GMDS: variants seen among roughly 807,000 people sequenced by gnomAD.
The protein encoded by GMDS is GDP-mannose 4,6-dehydratase.
In GMDS, 20 loss-of-function variants were observed where a neutral mutation model predicts 49.9. That is an observed-to-expected ratio of 0.40 (90% confidence interval 0.28 to 0.58). The LOEUF is 0.58. GMDS is among the 20% of genes least tolerant of loss of function. The pLI is 0.42. For synonymous variants in GMDS, 177 were observed against 178.6 expected (o/e 0.99, Z 0.07); for missense variants, 362 against 481.4 (o/e 0.75, Z 2.32).
intron 1 of GMDS, among the ~76,000 whole-genome samples, chr6:2,178,425 T>A (rs191679166): frequency 6.6e-6 from 1 of 152,050 alleles, no homozygotes; most frequent in Non-Finnish European, 1.5e-5. Context: ...AGGTGCCACA[T>A]GCTTTAAACA....
intron 9 of GMDS, among the ~76,000 whole-genome samples, chr6:1,634,920 GA>G (rs942795437): frequency 6.6e-6 from 1 of 152,134 alleles, no homozygotes; most frequent in African/African-American, 2.4e-5. Context: ...GGTGGTGGGG[GA>G]AAGAGGACTG....
chr6:1,843,081 G>A (rs1757215996), intron 7 of GMDS, among the ~76,000 whole-genome samples: 1 of 149,144 alleles, frequency 6.7e-6, no homozygotes, highest in African/African-American at 2.5e-5. Context: ...CTGCTCTCCA[G>A]CCTGAGCAAC....
intron 7 of GMDS, among the ~76,000 whole-genome samples, chr6:1,785,701 C>T (rs901999975): frequency 2.6e-5 from 4 of 152,244 alleles, no homozygotes; most frequent in African/African-American, 7.2e-5. Context: ...CCAGCATCCT[C>T]GGCAGGGAAG....
chr6:1,826,782 T>C (rs1379774818), intron 7 of GMDS, among the ~76,000 whole-genome samples: 1 of 152,156 alleles, frequency 6.6e-6, no homozygotes, highest in African/African-American at 2.4e-5. Flanking sequence ...TTAACAAATA[T>C]CTGGCTGGGT....
intron 4 of GMDS, among the ~76,000 whole-genome samples, chr6:1,985,551 GA>G (rs930602738): frequency 1.5e-4 from 22 of 151,072 alleles, no homozygotes; most frequent in Admixed American, 3.3e-4. Flanking sequence ...CTTAAACCAA[GA>G]AAAAAAATCA....
Position 1,742,928 on chromosome 6 carries a change from G to A in GMDS, c.772-342C>T, listed in dbSNP as rs1222440688. ...AATGTGATGTGAAGCAGTGTCTATG[G>A]CAAATAACCTTTTTATGGTATTATT... On this transcript the variant is annotated intron_variant, in intron 7 of 10. Transcript: ENST00000380815. Among the ~76,000 whole-genome samples, 5 of 152,052 alleles carry A rather than the reference G, an allele frequency of 3.3e-5. 1 individual carries two copies. Among genetic ancestry groups the A allele is most frequent in the Admixed American group, 3.3e-4 (5 of 15,266 alleles).
intron 1 of GMDS, among the ~76,000 whole-genome samples, chr6:2,242,334 G>A (rs759647566): frequency 1.3e-5 from 2 of 152,216 alleles, no homozygotes. Context: ...AGAGGGCCTG[G>A]AGACAGCAAT....
chr6:1,743,655 G>A lies in GMDS; in HGVS notation c.772-1069C>T, dbSNP rs762882782. Among the ~76,000 whole-genome samples, 41 of 152,134 alleles carry A rather than the reference G, an allele frequency of 2.7e-4. 2 individuals are homozygous for A. The highest frequency in any genetic ancestry group is 4.4e-5 in the Non-Finnish European group (3 of 68,006). On this transcript the variant is annotated intron_variant, in intron 7 of 10. Coordinates refer to ENST00000380815, the MANE Select transcript of GMDS (RefSeq NM_001500.4). ...TCCAAGATACTGACTGGTGGCACCAGCGCAGCCCCGCTCCCCGTGGTTAGC... is the reference window on the plus strand; with the variant it reads ...TCCAAGATACTGACTGGTGGCACCAACGCAGCCCCGCTCCCCGTGGTTAGC...
chr6:1,691,694 A>G (rs1302962497), intron 9 of GMDS, among the ~76,000 whole-genome samples: 1 of 152,146 alleles, frequency 6.6e-6, no homozygotes, highest in Non-Finnish European at 1.5e-5. Context: ...TTGCCCTAAC[A>G]GCTTTATTAA....
At chr6:1,994,725 G>T (rs1477309696) in intron 4 of GMDS, among the ~76,000 whole-genome samples, 1 of 152,070 alleles carries the variant, frequency 6.6e-6, no homozygotes, top group African/African-American at 2.4e-5. Flanking sequence ...CCAGAAGGAG[G>T]TGGCATTAAG....
chr6:1,868,564 A>T (rs577734154), intron 7 of GMDS, among the ~76,000 whole-genome samples: 15 of 152,208 alleles, frequency 9.9e-5, no homozygotes, highest in African/African-American at 3.6e-4. Flanking sequence ...AGGCGTGTCT[A>T]TATTTCTTAC....
chr6:1,635,995 G>A lies in GMDS; in HGVS notation c.988-11455C>T, dbSNP rs1425005081. On this transcript the variant is annotated intron_variant, in intron 9 of 10. Transcript: ENST00000380815. This position sits in a 1 kb window ranked among gnomAD's most constrained non-coding sequence, Gnocchi z 4.7. ...CGCATTTCCAGAGTAACCTGCCACC[G>A]TGGCAGCCCTCCTCATCACAAAGAG... is the stretch of plus-strand genomic sequence containing the variant. Among the ~76,000 whole-genome samples the A allele has an allele frequency of 3.3e-5, 5 of 152,124 alleles. No homozygotes were observed. Among genetic ancestry groups the A allele is most frequent in the Non-Finnish European group, 2.9e-5 (2 of 68,026 alleles).
chr6:1,709,057 G>A (rs9392324), intron 9 of GMDS, among the ~76,000 whole-genome samples: 43,784 of 152,036 alleles, frequency 0.29, 6,581 homozygotes, highest in Middle Eastern at 0.42. Context: ...CACTGACTCA[G>A]CTCCACAGGT....
At chr6:1,969,907 C>T (rs1764503093) in intron 4 of GMDS, among the ~76,000 whole-genome samples, 1 of 152,172 alleles carries the variant, frequency 6.6e-6, no homozygotes, top group Non-Finnish European at 1.5e-5. Flanking sequence ...ATTGCTCCCA[C>T]CACTTAAAGA....
At chr6:1,695,869 G>A (rs1394008665) in intron 9 of GMDS, among the ~76,000 whole-genome samples, 1 of 150,780 alleles carries the variant, frequency 6.6e-6, no homozygotes, top group Non-Finnish European at 1.5e-5. Flanking sequence ...CAAGCTGAAC[G>A]TGGCCAGAAG....
intron 7 of GMDS, among the ~76,000 whole-genome samples, chr6:1,785,476 C>T (rs1156249160): frequency 6.6e-6 from 1 of 152,204 alleles, no homozygotes; most frequent in Non-Finnish European, 1.5e-5. Context: ...GGCAGCTGTA[C>T]TTGTTGGAAA....
chr6:1,921,123 CA>C (rs1761695912), intron 7 of GMDS, among the ~76,000 whole-genome samples: 1 of 152,212 alleles, frequency 6.6e-6, no homozygotes, highest in South Asian at 2.1e-4. Flanking sequence ...TCCACGTCCA[CA>C]GGCACTATAC....
chr6:2,068,883 C>G (rs535690349), intron 4 of GMDS, among the ~76,000 whole-genome samples: 4 of 152,258 alleles, frequency 2.6e-5, no homozygotes, highest in Admixed American at 1.3e-4. Flanking sequence ...ATCAAGCTAC[C>G]AATGACTCTC....
rs1480628640 is a variant in GMDS at position 1,778,638 on chromosome 6, T to C, written c.772-36052A>G. ...AGTTAACGTGGCCCTCCATTAATTT[T>C]CACTATAACCTCTGAAGGCCTAGAC... On this transcript the variant is annotated intron_variant, in intron 7 of 10. Transcript: ENST00000380815. This position sits in a 1 kb window ranked among gnomAD's most constrained non-coding sequence, Gnocchi z 4.6. 1.3e-5 allele frequency among the ~76,000 whole-genome samples: 2 copies of C among 152,212 alleles called. No individual in the cohort carries two copies. Among genetic ancestry groups the C allele is most frequent in the Non-Finnish European group, 2.9e-5 (2 of 68,034 alleles).
Sources: allele counts gnomAD v4.1 joint callset (sites outside exome capture counted in the v4.1 genomes callset), GRCh38; gene constraint gnomAD v4.1.1; non-coding constraint Gnocchi (gnomAD v3.1); transcripts MANE v1.5; gene names NCBI Gene and HGNC (gene_info 2026-07-23, HGNC 2026-07-21).